The following UNC13C variants were observed in gnomAD, a reference collection of about 807,000 sequenced individuals.
UNC13C encodes unc-13 homolog C.
A neutral mutation model predicts 245.4 loss-of-function variants in UNC13C; 174 were observed. The ratio of observed to expected loss-of-function variants is 0.71; its 90% CI spans 0.63 to 0.80. The LOEUF (loss-of-function observed/expected upper bound fraction) is 0.80. Among genes scored for constraint, UNC13C ranks in the 30% least tolerant of loss-of-function variants. The probability of loss-of-function intolerance (pLI) is 0.00; values close to 1 mark genes in which losing one functional copy is unlikely to be tolerated. For missense variants in UNC13C, 2,829 were observed against 2,602.9 expected (o/e 1.09, Z -1.89); for synonymous variants, 992 against 895.1 (o/e 1.11, Z -1.93).
intron 2 of UNC13C, among the ~76,000 whole-genome samples, chr15:54,117,246 GT>G (rs1205848905): frequency 1.3e-5 from 2 of 151,984 alleles, no homozygotes; most frequent in Non-Finnish European, 2.9e-5. Flanking sequence ...TTTTTTGATT[GT>G]TTTCTTTGCT....
At chr15:54,243,014 T>C (rs1210199096) in intron 7 of UNC13C, among the ~76,000 whole-genome samples, 1 of 152,166 alleles carries the variant, frequency 6.6e-6, no homozygotes, top group Non-Finnish European at 1.5e-5. Context: ...GGGATACATG[T>C]GCAGGATGTG....
intron 14 of UNC13C, among the ~76,000 whole-genome samples, chr15:54,331,578 C>T (rs11630985): frequency 0.032 from 4,851 of 152,182 alleles, 137 homozygotes; most frequent in Admixed American, 0.093. Flanking sequence ...ACAAAAACAA[C>T]ACCTGCTCCC....
At chr15:54,456,885 G>A (rs971617648) in intron 19 of UNC13C, among the ~76,000 whole-genome samples, 25 of 151,896 alleles carry the variant, frequency 1.6e-4, no homozygotes, top group Admixed American at 3.3e-4. Flanking sequence ...TCTCTTGTCT[G>A]TCTGCTCTGA....
At chr15:53,964,918 T>C in the UNC13C span, among the ~76,000 whole-genome samples, 2 of 152,164 alleles carry the variant, frequency 1.3e-5, no homozygotes, top group Non-Finnish European at 2.9e-5. Context: ...ACATTACATG[T>C]ATACTAACAA....
chr15:54,326,722 G>T (rs927855805), intron 14 of UNC13C, among the ~76,000 whole-genome samples: 1 of 151,978 alleles, frequency 6.6e-6, no homozygotes, highest in Non-Finnish European at 1.5e-5. Flanking sequence ...CATATTAATA[G>T]CACCTTTCAG....
At position 54,525,556 on chromosome 15, in the gene UNC13C, C is replaced by G. The variant is rs1895414235; in HGVS notation, c.5465C>G (p.Ser1822Cys). ...FESMGGKELD[S>C]EASTILKELQ... ...TTTATGGTCTCTCTGCAGCTAGATT[C>G]TGAAGCTAGTACTATTCTAAAAGAA... Residue 1822 changes from serine to cysteine, a missense_variant, in exon 25 of 33, where the codon TCT becomes TGT. By Grantham distance (112) the Ser-to-Cys change is moderately radical. Transcript: ENST00000260323. 1.2e-6 allele frequency: 2 copies of G among 1,611,690 alleles called. No individual in the cohort carries two copies. Among genetic ancestry groups the G allele is most frequent in the Admixed American group, 3.3e-5 (2 of 59,800 alleles).
rs550851998 is a variant in UNC13C, at chr15:54,589,996, C to A, written c.6106+22049C>A. Among the ~76,000 whole-genome samples the A allele has an allele frequency of 3.3e-5, 5 of 152,292 alleles. No individual in the cohort carries two copies. In the South Asian group the frequency reaches 6.2e-4, roughly 19 times the overall value. ...TGAGAGATGAGGATCCAGTTTCATTCTCCTACATGTGGCTAGCCAATTATC... is the reference window on the plus strand; with the variant it reads ...TGAGAGATGAGGATCCAGTTTCATTATCCTACATGTGGCTAGCCAATTATC... On this transcript the variant is annotated intron_variant, in intron 30 of 32. Coordinates refer to ENST00000260323, the MANE Select transcript of UNC13C (RefSeq NM_001080534.3).
intron 4 of UNC13C, among the ~76,000 whole-genome samples, chr15:54,205,576 G>A (rs1447791435): frequency 2.0e-5 from 3 of 151,866 alleles, no homozygotes; most frequent in South Asian, 2.1e-4. Context: ...CATAGTAATC[G>A]ATGATGGGTC....
intron 27 of UNC13C, among the ~76,000 whole-genome samples, chr15:54,549,067 C>A (rs1438230527): frequency 6.6e-6 from 1 of 152,186 alleles, no homozygotes; most frequent in African/African-American, 2.4e-5. Flanking sequence ...CAGTCACATA[C>A]ACCAACAGAC....
intron 26 of UNC13C, among the ~76,000 whole-genome samples, chr15:54,545,118 G>C (rs983395633): frequency 6.6e-6 from 1 of 152,092 alleles, no homozygotes; most frequent in Admixed American, 6.6e-5. Context: ...CAATGGAACA[G>C]AACAGTGGAC....
intron 29 of UNC13C, among the ~76,000 whole-genome samples, chr15:54,564,395 A>T (rs1479962375): frequency 6.6e-6 from 1 of 152,004 alleles, no homozygotes; most frequent in Non-Finnish European, 1.5e-5. Flanking sequence ...GTACAAGCAC[A>T]CACCTTATTT....
chr15:54,275,735 G>T (rs900887709), intron 10 of UNC13C, among the ~76,000 whole-genome samples: 2 of 152,038 alleles, frequency 1.3e-5, no homozygotes, highest in African/African-American at 4.8e-5. Flanking sequence ...ATATAAAATG[G>T]TAAACCACTT....
At chr15:54,096,741 T>C (rs953815782) in intron 2 of UNC13C, among the ~76,000 whole-genome samples, 2 of 152,158 alleles carry the variant, frequency 1.3e-5, no homozygotes, top group Non-Finnish European at 2.9e-5. Context: ...CTCCTTTAAC[T>C]ATACGGTAGA....
At chr15:54,447,935 A>G (rs1382813109) in intron 19 of UNC13C, among the ~76,000 whole-genome samples, 1 of 152,128 alleles carries the variant, frequency 6.6e-6, no homozygotes, top group African/African-American at 2.4e-5. Flanking sequence ...CCCTCTACAC[A>G]CTGCTTTATA....
At chr15:54,053,466 C>T (rs1283218842) in intron 2 of UNC13C, among the ~76,000 whole-genome samples, 1 of 152,150 alleles carries the variant, frequency 6.6e-6, no homozygotes, top group Non-Finnish European at 1.5e-5. Context: ...TGACATGCTT[C>T]CCTGCCTACC....
chr15:54,208,084 G>A (rs1271709893), intron 4 of UNC13C, among the ~76,000 whole-genome samples: 3 of 152,124 alleles, frequency 2.0e-5, no homozygotes, highest in African/African-American at 7.2e-5. Flanking sequence ...GCTTTGGGAA[G>A]TTTACAATCA....
At chr15:54,505,984 A>G (rs958956214) in intron 22 of UNC13C, among the ~76,000 whole-genome samples, 3 of 152,136 alleles carry the variant, frequency 2.0e-5, no homozygotes, top group Non-Finnish European at 2.9e-5. Context: ...GAATTATCGT[A>G]AAGGGTATCC....
chr15:54,441,818 T>C (rs1332315457), intron 19 of UNC13C, among the ~76,000 whole-genome samples: 2 of 152,128 alleles, frequency 1.3e-5, no homozygotes, highest in Admixed American at 6.5e-5. Context: ...TTCTAATCCA[T>C]GAGCATAAGA....
chr15:54,273,498 T>G (rs2036746040), intron 10 of UNC13C, among the ~76,000 whole-genome samples: 1 of 152,210 alleles, frequency 6.6e-6, no homozygotes, highest in African/African-American at 2.4e-5. Context: ...GCACTCAGTT[T>G]GCTGCTGGAA....
Sources: allele counts gnomAD v4.1 joint callset (sites outside exome capture counted in the v4.1 genomes callset), GRCh38; gene constraint gnomAD v4.1.1; transcripts MANE v1.5; gene names NCBI Gene and HGNC (gene_info 2026-07-23, HGNC 2026-07-21).